Variants in TEAD1 observed in about 807,000 individuals in gnomAD.
TEAD1 encodes transcriptional enhancer factor TEF-1.
A neutral mutation model predicts 54.9 loss-of-function variants in TEAD1; 9 were observed. That is an observed-to-expected ratio of 0.16 (90% CI 0.10 to 0.29). The LOEUF is 0.29. Among genes scored for constraint, TEAD1 ranks in the 10% least tolerant of loss-of-function variants. The pLI, the probability that TEAD1 is intolerant of heterozygous loss-of-function variation, is 1.00. For missense variants in TEAD1, 387 were observed against 535.9 expected (o/e 0.72, Z 2.74); for synonymous variants, 200 against 187.8 (o/e 1.07, Z -0.53).
chr11:12,812,052 C>T (rs748313212), intron 3 of TEAD1, among the ~76,000 whole-genome samples: 18 of 152,162 alleles, frequency 1.2e-4, no homozygotes, highest in Middle Eastern at 3.4e-3. Flanking sequence ...CACACACCTG[C>T]GATTGGATGG....
At chr11:12,752,308 A>G (rs1217676659) in intron 2 of TEAD1, among the ~76,000 whole-genome samples, 1 of 149,520 alleles carries the variant, frequency 6.7e-6, no homozygotes, top group Non-Finnish European at 1.5e-5. Context: ...ACACATCATC[A>G]ATATTGAGTC....
intron 9 of TEAD1, among the ~76,000 whole-genome samples, chr11:12,891,455 G>T (rs1948195758): frequency 6.6e-6 from 1 of 152,216 alleles, no homozygotes; most frequent in African/African-American, 2.4e-5. Flanking sequence ...GAGATGTTAT[G>T]GAGATAAAAT....
chr11:12,775,947 A>C (rs925427025), intron 3 of TEAD1, among the ~76,000 whole-genome samples: 1 of 151,228 alleles, frequency 6.6e-6, no homozygotes, highest in Admixed American at 6.6e-5. Flanking sequence ...GCCTGGGTCC[A>C]CTGTGGTGTG....
At chr11:12,809,425 T>G (rs1428295195) in intron 3 of TEAD1, among the ~76,000 whole-genome samples, 1 of 152,170 alleles carries the variant, frequency 6.6e-6, no homozygotes, top group African/African-American at 2.4e-5. Context: ...TGCATTTCAC[T>G]CATTGCTGGG....
intron 5 of TEAD1, among the ~76,000 whole-genome samples, chr11:12,873,711 G>GA (rs1056534023): frequency 2.0e-5 from 3 of 151,904 alleles, no homozygotes; most frequent in African/African-American, 7.3e-5. Flanking sequence ...ATCATAGCTA[G>GA]AAAAAAAATC....
chr11:12,746,681 G>A (rs1214997956), intron 2 of TEAD1, among the ~76,000 whole-genome samples: 3 of 152,158 alleles, frequency 2.0e-5, no homozygotes, highest in Non-Finnish European at 2.9e-5. Flanking sequence ...CACCTCTGGG[G>A]CACTTCCCTC....
chr11:12,858,173 A>G (rs968495616), intron 3 of TEAD1, among the ~76,000 whole-genome samples: 1 of 152,226 alleles, frequency 6.6e-6, no homozygotes, highest in African/African-American at 2.4e-5. Context: ...GACTCTCCTC[A>G]GAACCTAGTT....
At chr11:12,752,600 G>A (rs1315001378) in intron 2 of TEAD1, among the ~76,000 whole-genome samples, 1 of 151,968 alleles carries the variant, frequency 6.6e-6, no homozygotes, top group Non-Finnish European at 1.5e-5. Flanking sequence ...ACTTGCAGTT[G>A]TCATTTATTT....
chr11:12,881,896 C>T lies in TEAD1; in HGVS notation c.513C>T (p.Asp171=), dbSNP rs2304733. ...CTGTCTGCCATCTCTCTGTTCCCAGCGTCAAGCCTTTTGTGCAGCAGGCCT... is the reference window on the plus strand; with the variant it reads ...CTGTCTGCCATCTCTCTGTTCCCAGTGTCAAGCCTTTTGTGCAGCAGGCCT... The change falls in exon 8 of 13, where the codon GAC becomes GAT. Residue 171 remains aspartate (D), a splice_region_variant and synonymous_variant. Coordinates refer to ENST00000527636, the MANE Select transcript of TEAD1 (RefSeq NM_021961.6). 687,383 of 1,612,554 alleles carry T rather than the reference C, an allele frequency of 0.43. 153,351 individuals are homozygous for T. The highest frequency in any genetic ancestry group is 0.84 in the East Asian group (37,845 of 44,840).
At chr11:12,882,422 A>G (rs957549646) in intron 8 of TEAD1, among the ~76,000 whole-genome samples, 2 of 152,038 alleles carry the variant, frequency 1.3e-5, no homozygotes, top group Admixed American at 6.5e-5. Context: ...CTCCTTCCCC[A>G]CAAGGCGCAC....
chr11:12,942,011 T>C lies in TEAD1; in HGVS notation c.*4789T>C, dbSNP rs1434271695. 1 of 152,630 alleles carries C rather than the reference T, an allele frequency of 6.6e-6. No individual in the cohort carries two copies. The highest frequency in any genetic ancestry group is 2.1e-4 in the South Asian group (1 of 4,828). The allele number at this position is 152,630 out of a possible 1,614,324, so 9.5% of individuals were successfully genotyped here. ...ATTTTTGTTTTGTAAGCCCATTTTT[T>C]CTCCAGTTCTATAGGAAACTGACTG... On this transcript the variant is annotated 3_prime_UTR_variant, in exon 13 of 13. Transcript: ENST00000527636.
intron 3 of TEAD1, among the ~76,000 whole-genome samples, chr11:12,839,198 G>T (rs890562288): frequency 6.6e-6 from 1 of 151,836 alleles, no homozygotes; most frequent in Non-Finnish European, 1.5e-5. Flanking sequence ...ATCACCTGAG[G>T]TCAGGAGTTT....
At position 12,918,491 on chromosome 11, in the gene TEAD1, T is replaced by C. The variant is rs372520093; in HGVS notation, c.874-6421T>C. Among the ~76,000 whole-genome samples the C allele has an allele frequency of 6.4e-4, 98 of 152,246 alleles. 1 individual carries two copies. Among genetic ancestry groups the C allele is most frequent in the Middle Eastern group, 6.8e-3 (2 of 294 alleles). The stretch of plus-strand genomic sequence containing the variant: ...AGCAGTTGTAATGGCAAATTGGTTA[T>C]TTACTGTTAGTTGGGAAGCCTTTTA... On this transcript the variant is annotated intron_variant, in intron 10 of 12. Transcript: ENST00000527636.
At chr11:12,819,519 G>A (rs1453840984) in intron 3 of TEAD1, among the ~76,000 whole-genome samples, 1 of 151,972 alleles carries the variant, frequency 6.6e-6, no homozygotes, top group Admixed American at 6.6e-5. Flanking sequence ...GCGCGATCTC[G>A]GCTCACTGCA....
rs1006859684 is a variant in TEAD1, at chr11:12,924,946, G to A, written c.908G>A (p.Gly303Glu). 1.9e-6 allele frequency: 3 copies of A among 1,614,004 alleles called. No homozygotes were observed. The highest frequency in any genetic ancestry group is 1.7e-5 in the Admixed American group (1 of 60,004). The change falls in exon 11 of 13, where the codon GGG becomes GAG. Residue 303 changes from glycine to glutamate, a missense_variant. Gly to Glu is a moderately conservative substitution (Grantham distance 98). Transcript: ENST00000527636. ...AACTGCAATATTCAAGATGATGCTG[G>A]GGCTTTTTATGGTGTAACCAGTCAG...
At chr11:12,862,364 G>C (rs1212676344) in intron 4 of TEAD1, 50 bp downstream of exon 4, 1 of 1,571,780 alleles carries the variant, frequency 6.4e-7, no homozygotes. Context: ...GGCCCAAAAA[G>C]GCATTTTGGC....
chr11:12,707,668 T>C (rs111357613), intron 2 of TEAD1, among the ~76,000 whole-genome samples: 28 of 152,342 alleles, frequency 1.8e-4, no homozygotes, highest in Non-Finnish European at 4.4e-5. Context: ...ATAAACACTA[T>C]AGTTGGCACA....
chr11:12,706,599 G>A (rs1308560813), intron 2 of TEAD1, among the ~76,000 whole-genome samples: 2 of 152,218 alleles, frequency 1.3e-5, no homozygotes, highest in Admixed American at 1.3e-4. Flanking sequence ...GTTGTTTAAA[G>A]ACATTGCCCT....
chr11:12,920,047 A>G (rs542512823), intron 10 of TEAD1, among the ~76,000 whole-genome samples: 81 of 152,162 alleles, frequency 5.3e-4, no homozygotes, highest in Non-Finnish European at 9.3e-4. Context: ...AGGAAACAGA[A>G]CTTTTTTTCC....
Sources: gnomAD v4.1 joint callset for allele counts (sites outside exome capture counted in the v4.1 genomes callset) on GRCh38, gnomAD v4.1.1 for gene constraint, MANE v1.5 for transcripts, NCBI Gene and HGNC (gene_info 2026-07-23, HGNC 2026-07-21) for gene names.